TSHZ2: variants seen among roughly 807,000 people sequenced by gnomAD.
The protein encoded by TSHZ2 is teashirt homolog 2.
TSHZ2 carries 21 observed loss-of-function variants against 74.4 expected under a neutral mutation model. The ratio of observed to expected loss-of-function variants is 0.28; its 90% confidence interval spans 0.20 to 0.41. TSHZ2 has a LOEUF of 0.41. Ranked by LOEUF, TSHZ2 falls within the 10% of genes least tolerant of loss-of-function variation. TSHZ2 has a pLI of 1.00. For synonymous variants in TSHZ2, 540 were observed against 515.3 expected (o/e 1.05, Z -0.65); for missense variants, 1,244 against 1,293.5 (o/e 0.96, Z 0.59).
At chr20:53,185,817 T>A in intron 1 of TSHZ2, 1 of 1,109,488 alleles carries the variant, frequency 9.0e-7, no homozygotes, top group Non-Finnish European at 1.3e-6. Flanking sequence ...ATCAGTAATT[T>A]AATTGAGTTT....
Position 53,253,612 on chromosome 20 carries a change from G to C in TSHZ2, c.154G>C (p.Glu52Gln), listed in dbSNP as rs151179191. ...LQGGNDTGTD[E>Q]ELETGPEQKG... ...GGGTGGCAATGACACAGGGACGGAC[G>C]AGGAGCTAGAAACGGGCCCAGAGCA... The change falls in exon 2 of 3, where the codon GAG (glutamate) becomes CAG (glutamine). Residue 52 changes from glutamate to glutamine, a missense_variant. Coordinates refer to ENST00000371497, the MANE Select transcript of TSHZ2 (RefSeq NM_173485.6). 4 of 1,614,180 alleles carry C rather than the reference G, an allele frequency of 2.5e-6. No individual in the cohort carries two copies. The South Asian group carries it at 4.4e-5, about 18-fold the overall frequency.
chr20:53,100,862 G>A (rs1986196532), intron 1 of TSHZ2, among the ~76,000 whole-genome samples: 1 of 152,142 alleles, frequency 6.6e-6, no homozygotes, highest in Non-Finnish European at 1.5e-5. Flanking sequence ...ATTGCTTTAT[G>A]CCCAACTCCC....
At chr20:53,012,677 T>C (rs904321255) in intron 1 of TSHZ2, among the ~76,000 whole-genome samples, 5 of 151,938 alleles carry the variant, frequency 3.3e-5, no homozygotes, top group Admixed American at 6.6e-5. Flanking sequence ...CACACACACA[T>C]GCACATGCAC....
chr20:52,976,233 CAGGGGGAAGGGATGTG>C (rs1600625149), intron 1 of TSHZ2, among the ~76,000 whole-genome samples: 2 of 152,220 alleles, frequency 1.3e-5, no homozygotes, highest in East Asian at 3.8e-4. Context: ...CCTCCCCCTT[CAGGGGGAAGGGATGTG>C]AGGGGACAAT....
At position 53,088,841 on chromosome 20, in the gene TSHZ2, G is replaced by A. The variant is rs146110535; in HGVS notation, c.40+115508G>A. ...CACACAGCAATGCAGAGACTCCACT[G>A]CCGCTCACCTAGCTAGGAGGCTGCA... On this transcript the variant is annotated intron_variant, in intron 1 of 2. Coordinates refer to ENST00000371497, the MANE Select transcript of TSHZ2 (RefSeq NM_173485.6). Among the ~76,000 whole-genome samples the A allele has an allele frequency of 2.6e-4, 40 of 152,230 alleles. 2 individuals carry two copies. The highest frequency in any genetic ancestry group is 8.9e-4 in the African/African-American group (37 of 41,538).
intron 1 of TSHZ2, among the ~76,000 whole-genome samples, chr20:53,138,170 C>G (rs1169067383): frequency 6.6e-6 from 1 of 152,100 alleles, no homozygotes; most frequent in Non-Finnish European, 1.5e-5. Context: ...ATCATGAGGT[C>G]AGGAGATCGC....
intron 1 of TSHZ2, among the ~76,000 whole-genome samples, chr20:53,062,532 A>C (rs368185094): frequency 7.9e-5 from 12 of 152,188 alleles, no homozygotes; most frequent in African/African-American, 2.9e-4. Flanking sequence ...GAACTTCATA[A>C]ACCAACCTCT....
At chr20:53,185,494 A>G in intron 1 of TSHZ2, 1 of 1,375,760 alleles carries the variant, frequency 7.3e-7, no homozygotes, top group Non-Finnish European at 9.5e-7. Context: ...CCTGGCCAAC[A>G]TGGTGAAACC....
intron 1 of TSHZ2, among the ~76,000 whole-genome samples, chr20:53,033,733 C>A (rs765898819): frequency 3.1e-5 from 4 of 129,596 alleles, no homozygotes; most frequent in Non-Finnish European, 6.3e-5. Context: ...GATCTCGGCT[C>A]ACTGCAACCT....
intron 1 of TSHZ2, among the ~76,000 whole-genome samples, chr20:53,083,737 A>T (rs1985606482): frequency 6.6e-6 from 1 of 152,230 alleles, no homozygotes; most frequent in Non-Finnish European, 1.5e-5. Flanking sequence ...CGTTATAAAG[A>T]CTAAAAGCAA....
Position 53,383,115 on chromosome 20 carries a change from T to G in TSHZ2, c.*9-104029T>G, listed in dbSNP as rs534813915. On this transcript the variant is annotated intron_variant, in intron 2 of 2. Coordinates refer to ENST00000371497, the MANE Select transcript of TSHZ2 (RefSeq NM_173485.6). The stretch of plus-strand genomic sequence containing the variant: ...GTCTCTAATAAAATACAAAAGAAAT[T>G]AGCCGGGGGTGGCGGTGTGCACCTG... 2.0e-5 allele frequency among the ~76,000 whole-genome samples: 3 copies of G among 151,494 alleles called. No homozygotes were observed. The South Asian group carries it at 6.3e-4, about 32-fold the overall frequency.
At chr20:53,052,322 G>A (rs1186826474) in intron 1 of TSHZ2, among the ~76,000 whole-genome samples, 1 of 152,164 alleles carries the variant, frequency 6.6e-6, no homozygotes, top group Non-Finnish European at 1.5e-5. Context: ...TGCCCATTAG[G>A]AGCCAGGCTC....
At chr20:53,274,324 A>C (rs139901013) in intron 2 of TSHZ2, among the ~76,000 whole-genome samples, 7 of 152,320 alleles carry the variant, frequency 4.6e-5, no homozygotes, top group Non-Finnish European at 2.9e-5. Context: ...AGGAATTACG[A>C]AGTGTAAAGA....
chr20:53,215,330 T>C (rs1438161005), intron 1 of TSHZ2, among the ~76,000 whole-genome samples: 1 of 152,074 alleles, frequency 6.6e-6, no homozygotes, highest in Non-Finnish European at 1.5e-5. Flanking sequence ...TTTTGAGAGC[T>C]GCCTGTCATA....
At chr20:53,030,441 G>A (rs984936500) in intron 1 of TSHZ2, among the ~76,000 whole-genome samples, 4 of 151,984 alleles carry the variant, frequency 2.6e-5, no homozygotes, top group African/African-American at 4.8e-5. Flanking sequence ...ACTCAGCCAA[G>A]AAGCCAAGAT....
At chr20:53,454,611 G>T (rs1051244785) in intron 2 of TSHZ2, among the ~76,000 whole-genome samples, 1 of 151,918 alleles carries the variant, frequency 6.6e-6, no homozygotes. Context: ...TGTTAATGTG[G>T]CTGTCCCTTT....
intron 2 of TSHZ2, among the ~76,000 whole-genome samples, chr20:53,385,491 G>A (rs145520602): frequency 6.6e-6 from 1 of 152,306 alleles, no homozygotes; most frequent in African/African-American, 2.4e-5. Flanking sequence ...ATCAGATGGT[G>A]AAAGGACAAC....
intron 1 of TSHZ2, among the ~76,000 whole-genome samples, chr20:53,162,546 TTACGTCAAGTGCTAAGCA>T (rs1221388426): frequency 6.6e-6 from 1 of 152,174 alleles, no homozygotes; most frequent in African/African-American, 2.4e-5. Context: ...CATCAAAAAA[TTACGTCAAGTGCTAAGCA>T]TGAGTTACCT....
At chr20:53,271,603 G>A (rs897935486) in intron 2 of TSHZ2, among the ~76,000 whole-genome samples, 7 of 152,212 alleles carry the variant, frequency 4.6e-5, no homozygotes, top group Non-Finnish European at 8.8e-5. Flanking sequence ...GGAGCCAGTG[G>A]GGAAAAGAGG....
Sources: allele counts gnomAD v4.1 joint callset (sites outside exome capture counted in the v4.1 genomes callset), GRCh38; gene constraint gnomAD v4.1.1; transcripts MANE v1.5; gene names NCBI Gene and HGNC (gene_info 2026-07-23, HGNC 2026-07-21).